The following EPS8 variants were observed in gnomAD, a reference collection of about 807,000 sequenced individuals.
EPS8 encodes epidermal growth factor receptor kinase substrate 8.
Under a neutral mutation model 103.8 loss-of-function variants are expected in EPS8, and 42 were observed. That is an observed-to-expected ratio of 0.40 (90% CI 0.32 to 0.52). The LOEUF (loss-of-function observed/expected upper bound fraction) is 0.52. EPS8 is among the 20% of genes least tolerant of loss of function. The pLI, the probability that EPS8 is intolerant of heterozygous loss-of-function variation, is 0.40. For missense variants in EPS8, 969 were observed against 1,005.1 expected, an observed-to-expected ratio of 0.96 and a Z score of 0.49; for synonymous variants, 344 against 344.6, an observed-to-expected ratio of 1.00 and a Z score of 0.02.
At position 15,784,815 on chromosome 12, in the gene EPS8, G is replaced by A. The variant is rs912426365; in HGVS notation, c.-22+4346C>T. ...AAAGAAATGAGCTATTAAACCTCAGGAAGACATGGATGAACCTTAAATGTG... is the reference window on the plus strand; with the variant it reads ...AAAGAAATGAGCTATTAAACCTCAGAAAGACATGGATGAACCTTAAATGTG... On this transcript the variant is annotated intron_variant, in intron 1 of 20. Coordinates refer to ENST00000281172, the MANE Select transcript of EPS8 (RefSeq NM_004447.6). This position sits in a 1 kb window ranked among gnomAD's most constrained non-coding sequence, Gnocchi z 4.0. Among the ~76,000 whole-genome samples, 12 of 152,108 alleles carry A rather than the reference G, an allele frequency of 7.9e-5. No homozygotes were observed. Among genetic ancestry groups the A allele is most frequent in the Non-Finnish European group, 1.5e-4 (10 of 67,972 alleles).
Position 15,647,193 on chromosome 12 carries a change from C to T in EPS8, c.1502G>A (p.Gly501Glu), listed in dbSNP as rs1275353934. Reference protein sequence around the residue: ...YAFSSNIYTRGSHLDQGEAAV... With the variant: ...YAFSSNIYTRESHLDQGEAAV... ...AGCTTCCCCTTGGTCCAGGTGGGAT[C>T]CTCTTGTGTAAATGTTGCTACTGAA... Residue 501 changes from glycine to glutamate, a missense_variant, in exon 15 of 21, where the codon GGA becomes GAA. Coordinates refer to ENST00000281172, the MANE Select transcript of EPS8 (RefSeq NM_004447.6). 1.2e-6 allele frequency: 2 copies of T among 1,613,936 alleles called. No homozygotes were observed. The highest frequency in any genetic ancestry group is 1.7e-6 in the Non-Finnish European group (2 of 1,179,862).
At chr12:15,754,575 G>A (rs1367655046) in intron 1 of EPS8, among the ~76,000 whole-genome samples, 1 of 152,186 alleles carries the variant, frequency 6.6e-6, no homozygotes, top group Non-Finnish European at 1.5e-5. Flanking sequence ...CAGAGCAACA[G>A]TCATATACGC....
At chr12:15,763,525 G>A (rs1020709673) in intron 1 of EPS8, among the ~76,000 whole-genome samples, 2 of 152,180 alleles carry the variant, frequency 1.3e-5, no homozygotes, top group African/African-American at 4.8e-5. Context: ...TTACCATCCT[G>A]CACCAGTGAC....
At chr12:15,739,907 TTAGA>T (rs1946803090) in intron 1 of EPS8, among the ~76,000 whole-genome samples, 1 of 152,122 alleles carries the variant, frequency 6.6e-6, no homozygotes, top group African/African-American at 2.4e-5. Flanking sequence ...TGAGGTCACT[TTAGA>T]TAGTTTTTAA....
At position 15,774,715 on chromosome 12, in the gene EPS8, A is replaced by T. The variant is rs955280312; in HGVS notation, c.-22+14446T>A. Among the ~76,000 whole-genome samples, 3 of 148,380 alleles carry T rather than the reference A, an allele frequency of 2.0e-5. No homozygotes were observed. The Admixed American group carries it at 2.0e-4, about 10-fold the overall frequency. ...TATATAAATATATATATATATAAAA[A>T]ATAGTGACCAAAATATTTGGTCCAA... On this transcript the variant is annotated intron_variant, in intron 1 of 20. Transcript: ENST00000281172.
intron 6 of EPS8, among the ~76,000 whole-genome samples, chr12:15,667,687 A>G (rs937305396): frequency 2.0e-5 from 3 of 152,186 alleles, no homozygotes; most frequent in African/African-American, 7.2e-5. Context: ...AACTTTAAAA[A>G]TCAAAAGCAA....
At chr12:15,632,115 A>G (rs1212010060) in intron 17 of EPS8, among the ~76,000 whole-genome samples, 6 of 152,194 alleles carry the variant, frequency 3.9e-5, no homozygotes, top group Admixed American at 3.9e-4. Flanking sequence ...TTTGTTTCCA[A>G]TAAATAATTT....
intron 2 of EPS8, among the ~76,000 whole-genome samples, chr12:15,682,239 A>C (rs376819431): frequency 1.4e-3 from 208 of 152,366 alleles, no homozygotes; most frequent in African/African-American, 4.8e-3. Context: ...AAGCTGTGGC[A>C]GATTGAGGGC....
chr12:15,685,929 T>A (rs543687711), intron 1 of EPS8, among the ~76,000 whole-genome samples: 7 of 152,340 alleles, frequency 4.6e-5, no homozygotes, highest in East Asian at 3.9e-4. Context: ...AAGGTTTTTT[T>A]AATCGCTTTT....
In EPS8 at chr12:15,752,169, C is replaced by T. The variant is rs112691528; in HGVS notation, c.-22+36992G>A. On this transcript the variant is annotated intron_variant, in intron 1 of 20. Transcript: ENST00000281172. This position sits in a 1 kb window ranked among gnomAD's most constrained non-coding sequence, Gnocchi z 4.4. ...TAGAGCTATTAAAATTCCCCTAGGC[C>T]GGGCGTGGTGGCTCACGCCTGTAAT... Among the ~76,000 whole-genome samples, 1,903 of 152,236 alleles carry T rather than the reference C, an allele frequency of 0.013. 43 individuals are homozygous for T. Among genetic ancestry groups the T allele is most frequent in the African/African-American group, 0.044 (1,819 of 41,520 alleles).
Position 15,778,229 on chromosome 12 carries a change from G to A in EPS8, c.-22+10932C>T, listed in dbSNP as rs1295243273. Reference sequence around the variant, plus strand: ...TAATGCACACGAAAATCTTCAGAGGGTGATTTTCAACAATGATTAAAAACA... The same window carrying A: ...TAATGCACACGAAAATCTTCAGAGGATGATTTTCAACAATGATTAAAAACA... On this transcript the variant is annotated intron_variant, in intron 1 of 20. Transcript: ENST00000281172. The surrounding 1 kb of genome is among the most constrained non-coding windows in gnomAD (Gnocchi z 4.5). Among the ~76,000 whole-genome samples, 1 of 152,080 alleles carries A rather than the reference G, an allele frequency of 6.6e-6. No homozygotes were observed. Among genetic ancestry groups the A allele is most frequent in the African/African-American group, 2.4e-5 (1 of 41,420 alleles).
At chr12:15,723,005 G>GAAA (rs897410926) in intron 1 of EPS8, among the ~76,000 whole-genome samples, 2 of 129,808 alleles carry the variant, frequency 1.5e-5, no homozygotes, top group African/African-American at 2.8e-5. Flanking sequence ...TCACTTGTTT[G>GAAA]AAAAAAAAAA....
chr12:15,727,735 G>A lies in EPS8; in HGVS notation c.-21-44763C>T, dbSNP rs1328723490. Among the ~76,000 whole-genome samples the A allele has an allele frequency of 6.6e-6, 1 of 152,128 alleles. No individual in the cohort carries two copies. Among genetic ancestry groups the A allele is most frequent in the Non-Finnish European group, 1.5e-5 (1 of 68,032 alleles). On this transcript the variant is annotated intron_variant, in intron 1 of 20. Transcript: ENST00000281172. This position sits in a 1 kb window ranked among gnomAD's most constrained non-coding sequence, Gnocchi z 4.3. ...TAGCCGGGCGTGGTGGCGCGTGCCT[G>A]TAATCCCAGCTACTCAGGAGGCTGA...
intron 2 of EPS8, among the ~76,000 whole-genome samples, chr12:15,681,888 G>A (rs73315046): frequency 0.014 from 2,106 of 151,970 alleles, 51 homozygotes; most frequent in African/African-American, 0.049. Context: ...GAACATTTTT[G>A]TAAGACCCAA....
chr12:15,752,000 T>C lies in EPS8; in HGVS notation c.-22+37161A>G, dbSNP rs779682287. On this transcript the variant is annotated intron_variant, in intron 1 of 20. Transcript: ENST00000281172. The surrounding 1 kb of genome is among the most constrained non-coding windows in gnomAD (Gnocchi z 4.3). ...TTCTAAGGCCAAGGCAAAGTGCCAA[T>C]ACAGGAAATCAGTGACTGGATTTGA... Among the ~76,000 whole-genome samples the C allele has an allele frequency of 1.3e-5, 2 of 152,136 alleles. No individual in the cohort carries two copies. The highest frequency in any genetic ancestry group is 2.9e-5 in the Non-Finnish European group (2 of 68,024).
Position 15,714,125 on chromosome 12 carries a change from A to G in EPS8, c.-21-31153T>C, listed in dbSNP as rs1946501654. On this transcript the variant is annotated intron_variant, in intron 1 of 20. Coordinates refer to ENST00000281172, the MANE Select transcript of EPS8 (RefSeq NM_004447.6). This position sits in a 1 kb window ranked among gnomAD's most constrained non-coding sequence, Gnocchi z 4.1. ...CAAAAAACAATCCCCAATGAAGATG[A>G]GCTTATAAATTTAGAGATTACAAAA... is the stretch of plus-strand genomic sequence containing the variant. Among the ~76,000 whole-genome samples the G allele has an allele frequency of 6.6e-6, 1 of 152,182 alleles. No homozygotes were observed. The highest frequency in any genetic ancestry group is 2.1e-4 in the South Asian group (1 of 4,832).
intron 1 of EPS8, among the ~76,000 whole-genome samples, chr12:15,722,884 G>A (rs1040922725): frequency 4.6e-5 from 7 of 151,714 alleles, no homozygotes; most frequent in African/African-American, 1.7e-4. Context: ...CTATCACATC[G>A]AAGATTAGGT....
intron 1 of EPS8, among the ~76,000 whole-genome samples, chr12:15,712,158 A>G (rs967812158): frequency 2.6e-5 from 4 of 152,202 alleles, no homozygotes; most frequent in African/African-American, 7.2e-5. Flanking sequence ...ATAAAATTGA[A>G]TATTTTGAAA....
chr12:15,636,100 C>G (rs1223340201), intron 17 of EPS8, among the ~76,000 whole-genome samples: 1 of 152,130 alleles, frequency 6.6e-6, no homozygotes, highest in East Asian at 1.9e-4. Flanking sequence ...GTAATTCTAG[C>G]AGACGAGCAG....
Sources: gnomAD v4.1 joint callset for allele counts (sites outside exome capture counted in the v4.1 genomes callset) on GRCh38, gnomAD v4.1.1 for gene constraint, Gnocchi (gnomAD v3.1) non-coding constraint, MANE v1.5 for transcripts, NCBI Gene and HGNC (gene_info 2026-07-23, HGNC 2026-07-21) for gene names.